Variants in ATP6V1H observed in about 807,000 individuals in gnomAD.
ATP6V1H encodes the protein V-type proton ATPase subunit H.
Under a neutral mutation model 71.7 loss-of-function variants are expected in ATP6V1H, and 39 were observed. That is an observed-to-expected ratio of 0.54 (90% CI 0.42 to 0.71). The LOEUF is 0.71. ATP6V1H is among the 30% of genes least tolerant of loss of function. The pLI, the probability that ATP6V1H is intolerant of heterozygous loss-of-function variation, is 0.00. For synonymous variants in ATP6V1H, 192 were observed against 199.3 expected (o/e 0.96, Z 0.31); for missense variants, 509 against 594.9 (o/e 0.86, Z 1.50).
At chr8:53,810,949 A>T (rs1313260746) in intron 7 of ATP6V1H, among the ~76,000 whole-genome samples, 1 of 152,182 alleles carries the variant, frequency 6.6e-6, no homozygotes, top group African/African-American at 2.4e-5. Flanking sequence ...TGGAAAAAAG[A>T]GCAACGGGAA....
At chr8:53,761,323 C>T (rs1370375113) in intron 11 of ATP6V1H, among the ~76,000 whole-genome samples, 3 of 148,674 alleles carry the variant, frequency 2.0e-5, no homozygotes, top group Admixed American at 6.7e-5. Context: ...GGCAACAGAG[C>T]GAGACTCCGT....
intron 4 of ATP6V1H, among the ~76,000 whole-genome samples, chr8:53,823,150 T>C (rs1287343127): frequency 6.6e-6 from 1 of 151,982 alleles, no homozygotes; most frequent in East Asian, 1.9e-4. Flanking sequence ...ATAAAGTAGA[T>C]CTGATAAATA....
chr8:53,828,656 T>G (rs1810899268), intron 4 of ATP6V1H, among the ~76,000 whole-genome samples: 1 of 152,212 alleles, frequency 6.6e-6, no homozygotes, highest in Admixed American at 6.5e-5. Context: ...ATAAAGGACA[T>G]GATGACCCCT....
chr8:53,777,288 A>G (rs1808924960), intron 9 of ATP6V1H, among the ~76,000 whole-genome samples: 1 of 152,220 alleles, frequency 6.6e-6, no homozygotes, highest in South Asian at 2.1e-4. Context: ...AATCTTCAGA[A>G]AACCAAATAT....
chr8:53,811,947 A>G (rs998682858), intron 6 of ATP6V1H, among the ~76,000 whole-genome samples: 2 of 152,212 alleles, frequency 1.3e-5, no homozygotes, highest in Non-Finnish European at 2.9e-5. Context: ...TTGAAAGTTT[A>G]TTTCTATTAG....
At chr8:53,795,470 A>G (rs1213472377) in intron 9 of ATP6V1H, among the ~76,000 whole-genome samples, 177 bp downstream of exon 9, 1 of 152,188 alleles carries the variant, frequency 6.6e-6, no homozygotes, top group African/African-American at 2.4e-5. Context: ...CCTCTCACCT[A>G]TCCCACTGCC....
In ATP6V1H at chr8:53,806,726, A is replaced by T. The variant is rs147038539; in HGVS notation, c.579+4438T>A. The T allele has an allele frequency of 1.0e-3, 389 of 389,330 alleles. 2 individuals carry two copies. Among genetic ancestry groups the T allele is most frequent in the African/African-American group, 7.7e-3 (369 of 47,862 alleles). The allele number at this position is 389,330 out of a possible 1,614,324, so 24.1% of individuals were successfully genotyped here. ...AAATGACATGTAAAAGAAAGTCTTA[A>T]ATTTAAATACTTTACCAGTTAATTT... On this transcript the variant is annotated intron_variant, in intron 7 of 13. Transcript: ENST00000359530.
rs1806423085 is a variant in ATP6V1H at position 53,716,367 on chromosome 8, T to C, written c.1392-343A>G. Among the ~76,000 whole-genome samples, 4 of 152,218 alleles carry C rather than the reference T, an allele frequency of 2.6e-5. No homozygotes were observed. The South Asian group carries it at 8.3e-4, about 32-fold the overall frequency. On this transcript the variant is annotated intron_variant, in intron 13 of 13. Transcript: ENST00000359530. ...CTTTCCTGTTCAGATAAAGGTCTTG[T>C]TTACTGCTACTGCCATTTCTGCAAT... is the stretch of plus-strand genomic sequence containing the variant.
chr8:53,740,278 A>G (rs916718686), intron 13 of ATP6V1H, among the ~76,000 whole-genome samples: 10 of 152,244 alleles, frequency 6.6e-5, no homozygotes, highest in Non-Finnish European at 1.5e-4. Flanking sequence ...AAATTTTTTA[A>G]ATTCATGGCA....
intron 13 of ATP6V1H, 78 bp downstream of exon 13, chr8:53,743,499 T>C (rs1173244436): frequency 2.0e-6 from 2 of 997,024 alleles, no homozygotes; most frequent in Non-Finnish European, 3.1e-6. Context: ...ATTCAAAGCA[T>C]TTGCATAAGA....
chr8:53,811,644 T>C (rs932178896), intron 6 of ATP6V1H, among the ~76,000 whole-genome samples: 2 of 152,220 alleles, frequency 1.3e-5, no homozygotes, highest in African/African-American at 2.4e-5. Flanking sequence ...ATATGTGACT[T>C]GGTTATCCAC....
chr8:53,807,999 G>C (rs559548793), intron 7 of ATP6V1H, among the ~76,000 whole-genome samples: 1 of 152,250 alleles, frequency 6.6e-6, no homozygotes, highest in East Asian at 1.9e-4. Flanking sequence ...ACTAAATCAA[G>C]AGGCAAGATG....
intron 5 of ATP6V1H, among the ~76,000 whole-genome samples, chr8:53,816,484 C>G (rs1181856696): frequency 6.6e-6 from 1 of 152,108 alleles, no homozygotes; most frequent in African/African-American, 2.4e-5. Flanking sequence ...CTAGGGCTTC[C>G]AAACATAGCC....
At chr8:53,749,496 C>T (rs1807719931) in intron 12 of ATP6V1H, among the ~76,000 whole-genome samples, 1 of 152,192 alleles carries the variant, frequency 6.6e-6, no homozygotes, top group Non-Finnish European at 1.5e-5. Flanking sequence ...CCAGAGCTGC[C>T]ACCTCTTCTC....
chr8:53,828,720 C>A (rs986933197), intron 4 of ATP6V1H, among the ~76,000 whole-genome samples: 3 of 152,070 alleles, frequency 2.0e-5, no homozygotes, highest in African/African-American at 4.8e-5. Flanking sequence ...TAGTACAGTG[C>A]TTGGTGAAAA....
At chr8:53,775,515 G>C (rs549082901) in intron 9 of ATP6V1H, among the ~76,000 whole-genome samples, 9 of 151,978 alleles carry the variant, frequency 5.9e-5, no homozygotes, top group African/African-American at 2.2e-4. Context: ...GGTTCTCCAC[G>C]TCCCCATCAG....
intron 8 of ATP6V1H, among the ~76,000 whole-genome samples, chr8:53,800,607 T>C (rs935731038): frequency 5.3e-5 from 8 of 152,204 alleles, no homozygotes; most frequent in Non-Finnish European, 1.0e-4. Flanking sequence ...AAAGGAAATA[T>C]AGTATTCTCA....
intron 11 of ATP6V1H, among the ~76,000 whole-genome samples, chr8:53,767,795 A>T (rs1197240595): frequency 6.6e-6 from 1 of 152,238 alleles, no homozygotes; most frequent in Non-Finnish European, 1.5e-5. Flanking sequence ...ACCTTACTTC[A>T]TACCATATAC....
intron 13 of ATP6V1H, among the ~76,000 whole-genome samples, chr8:53,736,944 T>C (rs1159157969): frequency 6.6e-6 from 1 of 152,260 alleles, no homozygotes; most frequent in African/African-American, 2.4e-5. Context: ...GTATTATCTA[T>C]AGATTCCAGG....
Sources: allele counts gnomAD v4.1 joint callset (sites outside exome capture counted in the v4.1 genomes callset), GRCh38; gene constraint gnomAD v4.1.1; transcripts MANE v1.5; gene names NCBI Gene and HGNC (gene_info 2026-07-23, HGNC 2026-07-21).